BCAS3: variants seen among roughly 807,000 people sequenced by gnomAD.
BCAS3 encodes the protein BCAS4/BCAS3 fusion.
Under a neutral mutation model 116.1 loss-of-function variants are expected in BCAS3, and 53 were observed. The ratio of observed to expected loss-of-function variants is 0.46; its 90% CI spans 0.37 to 0.57. BCAS3 has a LOEUF of 0.57. BCAS3 is among the 20% of genes least tolerant of loss of function. BCAS3 has a pLI of 0.00. For synonymous variants in BCAS3, 391 were observed against 408.2 expected (o/e 0.96, Z 0.51); for missense variants, 917 against 1,165.4 (o/e 0.79, Z 3.10).
chr17:60,786,143 C>T (rs1041936970), intron 6 of BCAS3, among the ~76,000 whole-genome samples: 6 of 151,958 alleles, frequency 3.9e-5, no homozygotes, highest in Admixed American at 2.6e-4. Flanking sequence ...TGAATTACCA[C>T]GGATAAAATT....
Position 61,026,997 on chromosome 17 carries a change from T to C in BCAS3, c.1638-7669T>C. On this transcript the variant is annotated intron_variant, in intron 16 of 23. Coordinates refer to ENST00000407086, the MANE Select transcript of BCAS3 (RefSeq NM_017679.5). The surrounding 1 kb of genome is among the most constrained non-coding windows in gnomAD (Gnocchi z 5.0). Reference sequence around the variant, plus strand: ...TTTTGTAGTTTTGTTTCCAGTTGCATGGCCTGATCACAGATAGATGCACCA... The same window carrying C: ...TTTTGTAGTTTTGTTTCCAGTTGCACGGCCTGATCACAGATAGATGCACCA... 1 of 1,216,262 alleles carries C rather than the reference T, an allele frequency of 8.2e-7. No homozygotes were observed. Among genetic ancestry groups the C allele is most frequent in the Non-Finnish European group, 1.2e-6 (1 of 843,848 alleles). 75.3% of individuals were successfully genotyped at this position (1,216,262 alleles called of 1,614,324 possible). A position where few individuals can be genotyped will look rare whatever the true frequency, so the allele number is the denominator to read the frequency against.
At chr17:60,992,173 G>A (rs548992245) in intron 15 of BCAS3, among the ~76,000 whole-genome samples, 52 of 135,498 alleles carry the variant, frequency 3.8e-4, no homozygotes, top group Non-Finnish European at 6.0e-4. Context: ...ACATTCTTTC[G>A]TAGTATCCGA....
chr17:60,925,779 T>C (rs1193438850), intron 13 of BCAS3, among the ~76,000 whole-genome samples: 1 of 152,080 alleles, frequency 6.6e-6, no homozygotes, highest in Non-Finnish European at 1.5e-5. Flanking sequence ...CTTCCAGTGG[T>C]AGGAAACAAG....
chr17:61,020,427 T>C lies in BCAS3; in HGVS notation c.1637+4526T>C, dbSNP rs1453177534. ...TAAGGCCTGTTTTGGCAACAGCTGC[T>C]GCTTAACTCTGTGACAGTATACATT... On this transcript the variant is annotated intron_variant, in intron 16 of 23. Transcript: ENST00000407086. The surrounding 1 kb of genome is among the most constrained non-coding windows in gnomAD (Gnocchi z 4.5). Among the ~76,000 whole-genome samples the C allele has an allele frequency of 1.3e-5, 2 of 152,228 alleles. No individual in the cohort carries two copies. Among genetic ancestry groups the C allele is most frequent in the Non-Finnish European group, 2.9e-5 (2 of 68,044 alleles).
At chr17:61,173,798 T>G (rs774520242) in intron 22 of BCAS3, among the ~76,000 whole-genome samples, 8 of 152,092 alleles carry the variant, frequency 5.3e-5, no homozygotes, top group African/African-American at 1.9e-4. Context: ...GGGGGATGAC[T>G]TGAGCCCAGT....
At chr17:61,038,945 G>A (rs1600678461) in intron 18 of BCAS3, among the ~76,000 whole-genome samples, 3 of 152,278 alleles carry the variant, frequency 2.0e-5, no homozygotes, top group Middle Eastern at 3.4e-3. Context: ...ATAGGGATGA[G>A]CACCTGGCCT....
intron 22 of BCAS3, among the ~76,000 whole-genome samples, chr17:61,112,678 C>T (rs1317800349): frequency 3.5e-5 from 5 of 143,336 alleles, no homozygotes; most frequent in African/African-American, 5.1e-5. Context: ...GACAGATCAA[C>T]GAGACAGAAA....
Position 60,903,864 on chromosome 17 carries a change from A to G in BCAS3, c.822+1161A>G, listed in dbSNP as rs1280379634. ...TCAGTATTAGTCTACTCATTTATCCACAAAATACAACGAGATCTTTTTCTC... is the reference window on the plus strand; with the variant it reads ...TCAGTATTAGTCTACTCATTTATCCGCAAAATACAACGAGATCTTTTTCTC... On this transcript the variant is annotated intron_variant, in intron 11 of 23. Coordinates refer to ENST00000407086, the MANE Select transcript of BCAS3 (RefSeq NM_017679.5). Among the ~76,000 whole-genome samples, 4 of 152,208 alleles carry G rather than the reference A, an allele frequency of 2.6e-5. No individual in the cohort carries two copies. In the East Asian group the frequency reaches 7.7e-4, roughly 29 times the overall value.
In BCAS3 at chr17:61,377,430, G is replaced by A. The variant is rs1279492335; in HGVS notation, c.2593+8936G>A. Among the ~76,000 whole-genome samples, 1 of 152,244 alleles carries A rather than the reference G, an allele frequency of 6.6e-6. No individual in the cohort carries two copies. Among genetic ancestry groups the A allele is most frequent in the African/African-American group, 2.4e-5 (1 of 41,456 alleles). On this transcript the variant is annotated intron_variant, in intron 23 of 23. Transcript: ENST00000407086. The surrounding 1 kb of genome is among the most constrained non-coding windows in gnomAD (Gnocchi z 4.6). The stretch of plus-strand genomic sequence containing the variant: ...TCCTAGCTATTTTCCACTGGCAGGA[G>A]AGGCCAAATCTGAGAGTCCTTTCAG...
chr17:60,851,387 C>T (rs915451820), intron 7 of BCAS3: 39 of 374,458 alleles, frequency 1.0e-4, no homozygotes, highest in Non-Finnish European at 8.0e-5. Context: ...CCAGGATGCC[C>T]GAGAGGAAGG....
At chr17:61,067,411 T>A (rs1038253809) in intron 19 of BCAS3, among the ~76,000 whole-genome samples, 22 of 148,942 alleles carry the variant, frequency 1.5e-4, no homozygotes, top group Middle Eastern at 3.5e-3. Flanking sequence ...GCTTTACACA[T>A]ACTCACATAT....
At chr17:60,884,502 C>G (rs1323975058) in intron 9 of BCAS3, among the ~76,000 whole-genome samples, 4 of 144,606 alleles carry the variant, frequency 2.8e-5, no homozygotes, top group South Asian at 4.4e-4. Context: ...AATGTGTTTG[C>G]TCTTGCTTTT....
chr17:60,888,393 T>G (rs1380075110), intron 9 of BCAS3, among the ~76,000 whole-genome samples: 1 of 152,242 alleles, frequency 6.6e-6, no homozygotes, highest in Non-Finnish European at 1.5e-5. Flanking sequence ...TACTTGGTTC[T>G]ATTTTTCATG....
In BCAS3 at chr17:61,037,163, T is replaced by G. The variant is rs1291812706; in HGVS notation, c.1763-726T>G. 6.6e-6 allele frequency among the ~76,000 whole-genome samples: 1 copy of G among 152,220 alleles called. No individual in the cohort carries two copies. Among genetic ancestry groups the G allele is most frequent in the East Asian group, 1.9e-4 (1 of 5,202 alleles). On this transcript the variant is annotated intron_variant, in intron 17 of 23. Transcript: ENST00000407086. This position sits in a 1 kb window ranked among gnomAD's most constrained non-coding sequence, Gnocchi z 4.7. ...AAATAGATGAGACATTAGGCTGATT[T>G]AGGCATACAACTAACCTTTCATGCA...
intron 6 of BCAS3, among the ~76,000 whole-genome samples, chr17:60,749,994 C>T (rs1268546853): frequency 3.3e-5 from 5 of 152,054 alleles, no homozygotes; most frequent in East Asian, 1.9e-4. Context: ...AGTGAAACCT[C>T]GTCTCTACTA....
rs1386051360 is a variant in BCAS3, at chr17:61,241,777, C to G, written c.2426-126550C>G. The stretch of plus-strand genomic sequence containing the variant: ...AAAATGAGTCTAAAAAATGTACTTA[C>G]CTATTTTTTCTCTACTAACATCATT... On this transcript the variant is annotated intron_variant, in intron 22 of 23. Coordinates refer to ENST00000407086, the MANE Select transcript of BCAS3 (RefSeq NM_017679.5). The surrounding 1 kb of genome is among the most constrained non-coding windows in gnomAD (Gnocchi z 4.6). Among the ~76,000 whole-genome samples, 1 of 151,740 alleles carries G rather than the reference C, an allele frequency of 6.6e-6. No individual in the cohort carries two copies. The highest frequency in any genetic ancestry group is 1.5e-5 in the Non-Finnish European group (1 of 67,982).
chr17:60,810,884 C>T (rs951084164), intron 7 of BCAS3: 2 of 702,688 alleles, frequency 2.8e-6, no homozygotes, highest in Non-Finnish European at 5.2e-6. Context: ...GTAGATGCCC[C>T]CAAATCTCAG....
chr17:60,851,359 C>G (rs1324462091), intron 7 of BCAS3: 2 of 360,224 alleles, frequency 5.6e-6, no homozygotes, highest in Non-Finnish European at 1.1e-5. Context: ...AGGCACCTGG[C>G]ACACGTCCTC....
chr17:61,334,924 G>A (rs757626695), intron 22 of BCAS3, among the ~76,000 whole-genome samples: 2 of 151,988 alleles, frequency 1.3e-5, no homozygotes, highest in Non-Finnish European at 2.9e-5. Flanking sequence ...CCTGGCCTTC[G>A]CAGAAGTTGG....
Sources: gnomAD v4.1 joint callset for allele counts (sites outside exome capture counted in the v4.1 genomes callset) on GRCh38, gnomAD v4.1.1 for gene constraint, Gnocchi (gnomAD v3.1) non-coding constraint, MANE v1.5 for transcripts, NCBI Gene and HGNC (gene_info 2026-07-23, HGNC 2026-07-21) for gene names.